Variants in KANSL2 observed in about 807,000 individuals in gnomAD.
KANSL2 encodes the protein NSL complex protein NSL2.
Under a neutral mutation model 55.6 loss-of-function variants are expected in KANSL2, and 34 were observed. The observed-to-expected ratio is 0.61, with a 90% CI of 0.46 to 0.81. The LOEUF is 0.81. KANSL2 is among the 40% of genes least tolerant of loss of function. KANSL2 has a pLI of 0.00. For synonymous variants in KANSL2, 209 were observed against 214.3 expected (o/e 0.98, Z 0.22); for missense variants, 502 against 609.9 (o/e 0.82, Z 1.86).
chr12:48,657,063 G>A (rs959101095), intron 8 of KANSL2, among the ~76,000 whole-genome samples: 1 of 152,128 alleles, frequency 6.6e-6, no homozygotes, highest in African/African-American at 2.4e-5. Context: ...TCACATTAAA[G>A]AATATATATA....
At chr12:48,661,905 C>A (rs1004032852) in intron 7 of KANSL2, among the ~76,000 whole-genome samples, 56 of 152,050 alleles carry the variant, frequency 3.7e-4, no homozygotes, top group Non-Finnish European at 7.4e-5. Context: ...AACAAAATGG[C>A]CCCCAGTTGA....
At chr12:48,681,960 G>C (rs1017100209) in intron 1 of KANSL2, 57 of 702,950 alleles carry the variant, frequency 8.1e-5, no homozygotes, top group Admixed American at 6.8e-4. Flanking sequence ...CGCCGCCTTT[G>C]TCCCGGCCTG....
chr12:48,659,318 G>A (rs2137178103), intron 8 of KANSL2, among the ~76,000 whole-genome samples: 1 of 149,794 alleles, frequency 6.7e-6, no homozygotes, highest in Admixed American at 6.6e-5. Flanking sequence ...AAGTTATAGT[G>A]GCCAGGCACA....
chr12:48,672,393 G>GTATATATATATATACGTATATATATA (rs1939734085), intron 4 of KANSL2, among the ~76,000 whole-genome samples: 2 of 121,360 alleles, frequency 1.6e-5, no homozygotes, highest in Non-Finnish European at 3.3e-5. Context: ...ATATATACAT[G>GTATATATATATATACGTATATATATA]TATATATATA....
intron 7 of KANSL2, among the ~76,000 whole-genome samples, chr12:48,661,616 A>G (rs752362982): frequency 1.4e-4 from 21 of 152,204 alleles, no homozygotes; most frequent in Middle Eastern, 3.2e-3. Flanking sequence ...CAAAACTTTT[A>G]TGGTAATTTT....
intron 4 of KANSL2, among the ~76,000 whole-genome samples, chr12:48,677,907 G>C (rs973382115): frequency 1.3e-5 from 2 of 150,296 alleles, no homozygotes; most frequent in African/African-American, 2.4e-5. Flanking sequence ...TTCTAAACTA[G>C]TACTTCCTGA....
chr12:48,674,818 C>T (rs924987960), intron 4 of KANSL2, among the ~76,000 whole-genome samples: 2 of 151,826 alleles, frequency 1.3e-5, no homozygotes, highest in African/African-American at 2.4e-5. Context: ...CCCAGCTACT[C>T]GGGAGGCTGA....
chr12:48,654,192 A>G lies in KANSL2; in HGVS notation c.1348-17T>C. Reference sequence around the variant, plus strand: ...CATCTGGCCCTGTTAAAAGAAATAAAGGCACTTCAGTTAGTAATTCATTCA... The same window carrying G: ...CATCTGGCCCTGTTAAAAGAAATAAGGGCACTTCAGTTAGTAATTCATTCA... On this transcript the variant is annotated splice_polypyrimidine_tract_variant and intron_variant, in intron 9 of 9. Transcript: ENST00000420613. 6.3e-7 allele frequency: 1 copy of G among 1,586,616 alleles called. No individual in the cohort carries two copies. The highest frequency in any genetic ancestry group is 8.5e-7 in the Non-Finnish European group (1 of 1,169,634).
At position 48,682,177 on chromosome 12, in the gene KANSL2, G is replaced by T. The variant is rs747156647; in HGVS notation, c.-10+10C>A. The T allele has an allele frequency of 5.8e-6, 4 of 694,566 alleles. No individual in the cohort carries two copies. Among genetic ancestry groups the T allele is most frequent in the East Asian group, 2.7e-5 (1 of 37,186 alleles). The allele number at this position is 694,566 out of a possible 1,614,324, so 43.0% of individuals were successfully genotyped here. Reference sequence around the variant, plus strand: ...GCAAGAGCTTAGAGGAAAGAGCACCGCCATCTTACCTCAGGAGCTGCGCTG... The same window carrying T: ...GCAAGAGCTTAGAGGAAAGAGCACCTCCATCTTACCTCAGGAGCTGCGCTG... On this transcript the variant is annotated intron_variant, in intron 1 of 9. Transcript: ENST00000420613.
At chr12:48,668,542 A>C (rs1939644330) in intron 6 of KANSL2, among the ~76,000 whole-genome samples, 1 of 152,204 alleles carries the variant, frequency 6.6e-6, no homozygotes, top group Non-Finnish European at 1.5e-5. Context: ...TCTACTAAAA[A>C]TACAAAATCA....
At chr12:48,672,685 C>T (rs576801693) in intron 4 of KANSL2, among the ~76,000 whole-genome samples, 7 of 151,784 alleles carry the variant, frequency 4.6e-5, no homozygotes, top group Non-Finnish European at 5.9e-5. Flanking sequence ...CTCAGCCTCA[C>T]AAAGTGCTGG....
At chr12:48,666,015 C>T (rs1939591218) in intron 7 of KANSL2, among the ~76,000 whole-genome samples, 1 of 152,028 alleles carries the variant, frequency 6.6e-6, no homozygotes, top group African/African-American at 2.4e-5. Context: ...AAGTTCGAGA[C>T]CAGCCTGGGA....
intron 8 of KANSL2, among the ~76,000 whole-genome samples, chr12:48,656,150 G>A (rs1939376251): frequency 6.6e-6 from 1 of 152,040 alleles, no homozygotes; most frequent in African/African-American, 2.4e-5. Context: ...GCTCCAACAA[G>A]GGAAAGGGAG....
At chr12:48,679,193 C>G (rs755043804) in intron 3 of KANSL2, 43 bp from the exon 4 acceptor site, 1 of 1,261,278 alleles carries the variant, frequency 7.9e-7, no homozygotes, top group Admixed American at 1.8e-5. Context: ...CTTCCCACCT[C>G]TGTAACTCCA....
At chr12:48,662,590 G>A (rs1249180659) in intron 7 of KANSL2, 16 of 1,285,642 alleles carry the variant, frequency 1.2e-5, no homozygotes, top group African/African-American at 4.6e-5. Context: ...ACTTTCAGTC[G>A]AGTGCTGTCT....
Position 48,654,129 on chromosome 12 carries a change from C to A in KANSL2, c.1394G>T (p.Arg465Leu). The change falls in exon 10 of 10, where the codon CGA becomes CTA. Residue 465 changes from arginine to leucine, a missense_variant. Physicochemically the swap from Arg to Leu is moderately radical, Grantham distance 102. Transcript: ENST00000420613. ...TGGTGCAGAGGCTTTCTCAGAATTT[C>A]GAGATCCCTGGGATCTGCACCCATC... ...AGDGCRSQGS[R>L]NSEKASAPLS... 6.2e-7 allele frequency: 1 copy of A among 1,613,024 alleles called. No homozygotes were observed. The highest frequency in any genetic ancestry group is 1.1e-5 in the South Asian group (1 of 90,886).
At chr12:48,675,768 C>T (rs1050530064) in intron 4 of KANSL2, among the ~76,000 whole-genome samples, 5 of 152,118 alleles carry the variant, frequency 3.3e-5, no homozygotes, top group African/African-American at 1.2e-4. Flanking sequence ...AAGATGAATG[C>T]GCCAGACTTT....
At chr12:48,682,007 T>C (rs756227356) in intron 1 of KANSL2, 180 bp downstream of exon 1, 2 of 703,014 alleles carry the variant, frequency 2.8e-6, no homozygotes, top group South Asian at 3.0e-5. Context: ...CTCGGAAGCC[T>C]ATGCGAGCGC....
At chr12:48,680,380 C>T (rs1246157281) in intron 2 of KANSL2, among the ~76,000 whole-genome samples, 3 of 152,034 alleles carry the variant, frequency 2.0e-5, no homozygotes, top group Non-Finnish European at 2.9e-5. Flanking sequence ...TCTGTAGAGA[C>T]GGGGTCTCAC....
Sources: gnomAD v4.1 joint callset for allele counts (sites outside exome capture counted in the v4.1 genomes callset) on GRCh38, gnomAD v4.1.1 for gene constraint, MANE v1.5 for transcripts, NCBI Gene and HGNC (gene_info 2026-07-23, HGNC 2026-07-21) for gene names.